The following TBC1D32 variants were observed in gnomAD, a reference collection of about 807,000 sequenced individuals.
TBC1D32 encodes TBC1 domain family member 32.
TBC1D32 carries 151 observed loss-of-function variants against 170.3 expected under a neutral mutation model. That is an observed-to-expected ratio of 0.89 (90% CI 0.78 to 1.01). TBC1D32 has a LOEUF of 1.01. Among genes scored for constraint, TBC1D32 ranks in the 50% least tolerant of loss-of-function variants. The pLI, the probability that TBC1D32 is intolerant of heterozygous loss-of-function variation, is 0.00. For synonymous variants in TBC1D32, 498 were observed against 488.0 expected, an observed-to-expected ratio of 1.02 and a Z score of -0.27; for missense variants, 1,464 against 1,457.1, an observed-to-expected ratio of 1.00 and a Z score of -0.08.
intron 21 of TBC1D32, among the ~76,000 whole-genome samples, chr6:121,208,066 T>TG (rs554545034): frequency 1.1e-4 from 17 of 151,432 alleles, no homozygotes; most frequent in Middle Eastern, 3.5e-3. Flanking sequence ...CTCTCCTGTT[T>TG]GGGGTTTTAG....
At chr6:121,321,867 A>G in intron 1 of TBC1D32, 73 bp from the exon 2 acceptor site, 1 of 1,324,328 alleles carries the variant, frequency 7.6e-7, no homozygotes, top group African/African-American at 1.5e-5. Flanking sequence ...CAACACAGAA[A>G]GGTAACATAT....
intron 5 of TBC1D32, 112 bp from the exon 6 acceptor site, chr6:121,304,945 A>G (rs1373318140): frequency 1.4e-6 from 1 of 706,034 alleles, no homozygotes; most frequent in East Asian, 2.7e-5. Context: ...CAAATAAACC[A>G]TTCAGAAACT....
rs192883078 is a variant in TBC1D32 at position 121,079,497 on chromosome 6, G to C, written c.*1274C>G. On this transcript the variant is annotated 3_prime_UTR_variant, in exon 32 of 32. Coordinates refer to ENST00000398212, the MANE Select transcript of TBC1D32 (RefSeq NM_152730.6). The stretch of plus-strand genomic sequence containing the variant: ...GAAAACGAAAAAAAAAGCAGGGTTA[G>C]AGTTAGAATGATTTTAATGGTTGAT... 2 of 151,966 alleles carry C rather than the reference G, an allele frequency of 1.3e-5. No homozygotes were observed. Among genetic ancestry groups the C allele is most frequent in the African/African-American group, 4.8e-5 (2 of 41,394 alleles). 9.4% of individuals were successfully genotyped at this position (151,966 alleles called of 1,614,324 possible).
chr6:121,292,112 C>T lies in TBC1D32; in HGVS notation c.1313G>A (p.Arg438Lys). 6.2e-7 allele frequency: 1 copy of T among 1,603,176 alleles called. No individual in the cohort carries two copies. ...TCTGCCTTGTTTATAGATCAATAATCTTCCTAAAAGGCACAGTGAGTGAAT... is the reference window on the plus strand; with the variant it reads ...TCTGCCTTGTTTATAGATCAATAATTTTCCTAAAAGGCACAGTGAGTGAAT... ...YFIHSLCLLG[R>K]LLIYKQGRKL... The change falls in exon 12 of 32, where the codon AGA becomes AAA. Residue 438 changes from arginine to lysine, a missense_variant. This residue lies in a region of TBC1D32 where 1,363 missense variants were observed against 1,338.1 expected (regional missense o/e 1.02). Coordinates refer to ENST00000398212, the MANE Select transcript of TBC1D32 (RefSeq NM_152730.6).
In TBC1D32 at chr6:121,247,460, A is replaced by G. The variant is rs115419421; in HGVS notation, c.2019-5121T>C. ...AAACTAACATGATGAATAAAAAAGT[A>G]CCTCACATCTCAATATTAATGTTGA... On this transcript the variant is annotated intron_variant, in intron 17 of 31. Transcript: ENST00000398212. Among the ~76,000 whole-genome samples, 1,345 of 151,938 alleles carry G rather than the reference A, an allele frequency of 8.9e-3. 23 individuals carry two copies. Among genetic ancestry groups the G allele is most frequent in the African/African-American group, 0.031 (1,271 of 41,502 alleles).
At chr6:121,249,890 T>C (rs1422125235) in intron 17 of TBC1D32, among the ~76,000 whole-genome samples, 1 of 151,930 alleles carries the variant, frequency 6.6e-6, no homozygotes, top group African/African-American at 2.4e-5. Flanking sequence ...ATCAATATTA[T>C]GAAAATGACC....
At chr6:121,214,309 G>A (rs1295156034) in intron 21 of TBC1D32, among the ~76,000 whole-genome samples, 1 of 152,162 alleles carries the variant, frequency 6.6e-6, no homozygotes, top group East Asian at 1.9e-4. Flanking sequence ...CCTGAATTTT[G>A]CTCAGGCCCA....
chr6:121,176,164 A>C (rs1373839879), intron 22 of TBC1D32, among the ~76,000 whole-genome samples: 1 of 152,216 alleles, frequency 6.6e-6, no homozygotes, highest in Non-Finnish European at 1.5e-5. Flanking sequence ...GAGTTTTAAC[A>C]AGCAGTGAAA....
chr6:121,169,920 T>G (rs910617711), intron 22 of TBC1D32, among the ~76,000 whole-genome samples: 17 of 152,124 alleles, frequency 1.1e-4, no homozygotes, highest in African/African-American at 4.1e-4. Context: ...AACCTCATTT[T>G]GGAAATAATC....
intron 29 of TBC1D32, among the ~76,000 whole-genome samples, chr6:121,109,366 T>C (rs1329271485): frequency 6.6e-6 from 1 of 152,156 alleles, no homozygotes; most frequent in African/African-American, 2.4e-5. Flanking sequence ...TTAGCCTGAT[T>C]TATCATAAGT....
chr6:121,092,442 C>T (rs12528443), intron 30 of TBC1D32, among the ~76,000 whole-genome samples: 41,021 of 151,336 alleles, frequency 0.27, 8,440 homozygotes, highest in African/African-American at 0.57. Flanking sequence ...TTTCTAAAAA[C>T]ATATTCTTGA....
chr6:121,271,481 A>G (rs995542007), intron 15 of TBC1D32, among the ~76,000 whole-genome samples: 2 of 152,170 alleles, frequency 1.3e-5, no homozygotes, highest in Admixed American at 1.3e-4. Flanking sequence ...AGACAAACAG[A>G]GAGCCACATC....
At chr6:121,236,806 A>G (rs1796384146) in intron 20 of TBC1D32, among the ~76,000 whole-genome samples, 1 of 152,076 alleles carries the variant, frequency 6.6e-6, no homozygotes, top group Non-Finnish European at 1.5e-5. Context: ...TTGATTTACC[A>G]TTATACAATT....
chr6:121,212,046 T>G (rs1055337739), intron 21 of TBC1D32, among the ~76,000 whole-genome samples: 1 of 151,470 alleles, frequency 6.6e-6, no homozygotes, highest in Non-Finnish European at 1.5e-5. Context: ...GGGACGTAGT[T>G]ACTGACCTAA....
intron 21 of TBC1D32, among the ~76,000 whole-genome samples, chr6:121,216,823 G>A (rs778759078): frequency 1.3e-5 from 2 of 152,176 alleles, no homozygotes; most frequent in Non-Finnish European, 2.9e-5. Context: ...TGCCCTGATT[G>A]AGAGTTTTAT....
At chr6:121,103,309 C>A (rs1432130763) in intron 30 of TBC1D32, among the ~76,000 whole-genome samples, 1 of 151,942 alleles carries the variant, frequency 6.6e-6, no homozygotes, top group Non-Finnish European at 1.5e-5. Context: ...ACACTATTCA[C>A]AATAGCAAAG....
At chr6:121,231,294 C>A (rs9490145) in intron 20 of TBC1D32, among the ~76,000 whole-genome samples, 1 of 152,030 alleles carries the variant, frequency 6.6e-6, no homozygotes, top group Admixed American at 6.6e-5. Flanking sequence ...CCATGGTATA[C>A]ATATACCGTA....
chr6:121,296,458 C>A (rs886821352), intron 10 of TBC1D32, among the ~76,000 whole-genome samples: 1 of 152,084 alleles, frequency 6.6e-6, no homozygotes, highest in African/African-American at 2.4e-5. Flanking sequence ...ATTAAACCTA[C>A]CAAATCTAAA....
In TBC1D32 at chr6:121,180,890, AATG is replaced by A. The variant is rs761000806; in HGVS notation, c.2571-19837_2571-19835del. ...GAATTCAAACAACTCAGTAACAAAT[AATG>A]ATAATAATAATAACCCAATTTAAAA... On this transcript the variant is annotated intron_variant, in intron 22 of 31. Transcript: ENST00000398212. Among the ~76,000 whole-genome samples, 9 of 152,254 alleles carry A rather than the reference AATG, an allele frequency of 5.9e-5. No homozygotes were observed. The South Asian group carries it at 6.2e-4, about 11-fold the overall frequency.
Sources: allele counts gnomAD v4.1 joint callset (sites outside exome capture counted in the v4.1 genomes callset), GRCh38; gene constraint gnomAD v4.1.1; regional missense constraint gnomAD v4.1.1; transcripts MANE v1.5; gene names NCBI Gene and HGNC (gene_info 2026-07-23, HGNC 2026-07-21).